The following IQGAP1 variants were observed in gnomAD, a reference collection of about 807,000 sequenced individuals.
IQGAP1 encodes the protein IQ motif containing GTPase activating protein 1, also known as ras GTPase-activating-like protein IQGAP1.
Under a neutral mutation model 215.6 loss-of-function variants are expected in IQGAP1, and 66 were observed. The ratio of observed to expected loss-of-function variants is 0.31; its 90% CI spans 0.25 to 0.38. The LOEUF (loss-of-function observed/expected upper bound fraction) is 0.38, where lower values mean the gene tolerates loss of function less well. Among genes scored for constraint, IQGAP1 ranks in the 10% least tolerant of loss-of-function variants. IQGAP1 has a pLI of 1.00. For missense variants in IQGAP1, 1,712 were observed against 1,997.1 expected (o/e 0.86, Z 2.72); for synonymous variants, 772 against 728.7 (o/e 1.06, Z -0.96).
At chr15:90,439,983 A>C in intron 6 of IQGAP1, among the ~76,000 whole-genome samples, 1 of 152,250 alleles carries the variant, frequency 6.6e-6, no homozygotes, top group East Asian at 1.9e-4. Flanking sequence ...TAGGCTTGAA[A>C]GTTTAAAAAT....
At chr15:90,495,651 CT>C (rs199894206) in intron 36 of IQGAP1, among the ~76,000 whole-genome samples, 73 of 140,032 alleles carry the variant, frequency 5.2e-4, no homozygotes, top group Non-Finnish European at 6.5e-4. Context: ...TTTTCTTCTT[CT>C]TTTTTTTTTT....
At chr15:90,409,235 CTT>C (rs138296381) in intron 2 of IQGAP1, among the ~76,000 whole-genome samples, 19,347 of 117,896 alleles carry the variant, frequency 0.16, 1,815 homozygotes, top group African/African-American at 0.3. Context: ...CCTATATTCA[CTT>C]TTTTTTTTTT....
Position 90,495,528 on chromosome 15 carries a change from C to T in IQGAP1, c.4751+693C>T, listed in dbSNP as rs1031278890. Reference sequence around the variant, plus strand: ...ACAAGCCAGAGATAACCACTGAAATCGTTTTAATGTATTTTTTTCTATTCA... The same window carrying T: ...ACAAGCCAGAGATAACCACTGAAATTGTTTTAATGTATTTTTTTCTATTCA... On this transcript the variant is annotated intron_variant, in intron 36 of 37. Transcript: ENST00000268182. 4.6e-5 allele frequency among the ~76,000 whole-genome samples: 7 copies of T among 152,012 alleles called. 1 individual carries two copies. The South Asian group carries it at 8.3e-4, about 18-fold the overall frequency.
At chr15:90,439,113 T>A (rs1965412286) in intron 5 of IQGAP1, among the ~76,000 whole-genome samples, 1 of 151,936 alleles carries the variant, frequency 6.6e-6, no homozygotes, top group East Asian at 1.9e-4. Context: ...GCTCTTTGCA[T>A]TGTGTTATGT....
chr15:90,393,467 TG>T (rs1472063724), intron 2 of IQGAP1: 17 of 152,290 alleles, frequency 1.1e-4, no homozygotes, highest in African/African-American at 4.1e-4. Context: ...TATTTTTTTC[TG>T]ACTGTTTTTG....
At chr15:90,443,507 A>C (rs956322371) in intron 9 of IQGAP1, 29 bp downstream of exon 9, 5 of 1,225,948 alleles carry the variant, frequency 4.1e-6, no homozygotes, top group African/African-American at 1.5e-5. Context: ...CAGGCACCTA[A>C]AGGGATATTA....
chr15:90,434,282 C>T (rs1240668144), intron 5 of IQGAP1, among the ~76,000 whole-genome samples: 3 of 151,806 alleles, frequency 2.0e-5, no homozygotes, highest in Non-Finnish European at 4.4e-5. Context: ...ACTAAAAATA[C>T]AAAAAATTAG....
intron 5 of IQGAP1, among the ~76,000 whole-genome samples, chr15:90,436,241 A>G (rs936823367): frequency 1.6e-4 from 25 of 152,158 alleles, no homozygotes; most frequent in Admixed American, 2.6e-4. Context: ...TCTCCTTAGT[A>G]TGATTATGTT....
At chr15:90,448,776 T>C in intron 10 of IQGAP1, 40 bp downstream of exon 10, 1 of 1,417,670 alleles carries the variant, frequency 7.1e-7, no homozygotes, top group Non-Finnish European at 9.3e-7. Context: ...AGTTTGTATA[T>C]ATCCATTCGA....
intron 15 of IQGAP1, among the ~76,000 whole-genome samples, chr15:90,457,206 C>T (rs1006509367): frequency 6.6e-6 from 1 of 151,724 alleles, no homozygotes; most frequent in Non-Finnish European, 1.5e-5. Context: ...AGTTCATTTC[C>T]GTCCACTTTT....
intron 5 of IQGAP1, 89 bp from the exon 6 acceptor site, chr15:90,439,243 A>G (rs1005805960): frequency 7.9e-6 from 7 of 889,022 alleles, no homozygotes; most frequent in African/African-American, 3.3e-5. Flanking sequence ...GAATACTTCT[A>G]TTTTATACTT....
chr15:90,427,373 A>G lies in IQGAP1; in HGVS notation c.312+1107A>G, dbSNP rs186697611. ...TGGGAAAGTGATTCAGTTTCAGAAA[A>G]TTGAGATAAGTGAGAGGGTTTGATT... On this transcript the variant is annotated intron_variant, in intron 3 of 37. Coordinates refer to ENST00000268182, the MANE Select transcript of IQGAP1 (RefSeq NM_003870.4). 4.3e-4 allele frequency among the ~76,000 whole-genome samples: 65 copies of G among 152,296 alleles called. 1 individual carries two copies. The highest frequency in any genetic ancestry group is 1.5e-3 in the African/African-American group (64 of 41,556).
rs1162560201 is a variant in IQGAP1, at chr15:90,495,742, A to G, written c.4751+907A>G. Among the ~76,000 whole-genome samples the G allele has an allele frequency of 2.0e-5, 3 of 149,322 alleles. No homozygotes were observed. The East Asian group carries it at 5.9e-4, about 29-fold the overall frequency. Reference sequence around the variant, plus strand: ...AGCCTTGGCCTCCCAGGTTCAAGCAATTCTCCCACCTCAGCCTCCCAATTA... The same window carrying G: ...AGCCTTGGCCTCCCAGGTTCAAGCAGTTCTCCCACCTCAGCCTCCCAATTA... On this transcript the variant is annotated intron_variant, in intron 36 of 37. Coordinates refer to ENST00000268182, the MANE Select transcript of IQGAP1 (RefSeq NM_003870.4).
intron 14 of IQGAP1, among the ~76,000 whole-genome samples, chr15:90,455,382 C>T (rs1172712483): frequency 6.6e-6 from 1 of 152,190 alleles, no homozygotes; most frequent in East Asian, 1.9e-4. Flanking sequence ...CTTAAACTCT[C>T]ATGAGGCCAA....
Position 90,442,971 on chromosome 15 carries a change from CA to C in IQGAP1, c.829-415del, listed in dbSNP as rs540827665. 3.1e-3 allele frequency among the ~76,000 whole-genome samples: 468 copies of C among 150,990 alleles called. 3 individuals carry two copies. The highest frequency in any genetic ancestry group is 0.011 in the African/African-American group (441 of 41,260). On this transcript the variant is annotated intron_variant, in intron 8 of 37. Transcript: ENST00000268182. ...TGGGTGACAGAGTGAGACTCTGTCT[CA>C]AAAAAAAGACAGAATCTCGCTCAGT...
chr15:90,412,674 G>A (rs1964983799), intron 2 of IQGAP1, among the ~76,000 whole-genome samples: 1 of 152,170 alleles, frequency 6.6e-6, no homozygotes, highest in South Asian at 2.1e-4. Context: ...TTTCTAGGCT[G>A]TTTCCAATGC....
At chr15:90,465,768 A>G (rs539584518) in intron 15 of IQGAP1, among the ~76,000 whole-genome samples, 1 of 152,210 alleles carries the variant, frequency 6.6e-6, no homozygotes, top group Admixed American at 6.5e-5. Flanking sequence ...GGGCTCAAGC[A>G]TTCCTTCTGC....
chr15:90,486,270 T>A, intron 31 of IQGAP1, 138 bp downstream of exon 31: 1 of 570,930 alleles, frequency 1.8e-6, no homozygotes, highest in East Asian at 2.9e-5. Flanking sequence ...ATCCTGATAG[T>A]TTCATAAGAG....
At position 90,482,298 on chromosome 15, in the gene IQGAP1, C is replaced by T. The variant is rs78081892; in HGVS notation, c.3555+17C>T. 73 of 1,611,504 alleles carry T rather than the reference C, an allele frequency of 4.5e-5. No homozygotes were observed. In the Middle Eastern group the frequency reaches 5.0e-4, roughly 11 times the overall value. On this transcript the variant is annotated intron_variant, in intron 28 of 37. Transcript: ENST00000268182. ...CTGCTGAAGGTAAGAATCTCATAGC[C>T]GGCAGACTCCTGCCCTTTGAGGACA...
Sources: allele counts gnomAD v4.1 joint callset (sites outside exome capture counted in the v4.1 genomes callset), GRCh38; gene constraint gnomAD v4.1.1; transcripts MANE v1.5; gene names NCBI Gene and HGNC (gene_info 2026-07-23, HGNC 2026-07-21).